The following TTC17 variants were observed in gnomAD, a reference collection of about 807,000 sequenced individuals.
TTC17 encodes tetratricopeptide repeat protein 17.
A neutral mutation model predicts 143.8 loss-of-function variants in TTC17; 58 were observed. The observed-to-expected ratio is 0.40, with a 90% CI of 0.33 to 0.50. The LOEUF (loss-of-function observed/expected upper bound fraction) is 0.50, where lower values mean the gene tolerates loss of function less well. Among genes scored for constraint, TTC17 ranks in the 20% least tolerant of loss-of-function variants. TTC17 has a pLI of 0.49. For missense variants in TTC17, 1,273 were observed against 1,392.5 expected (o/e 0.91, Z 1.37); for synonymous variants, 501 against 497.8 (o/e 1.01, Z -0.09).
chr11:43,378,337 C>T (rs567554719), intron 1 of TTC17, among the ~76,000 whole-genome samples: 4 of 152,250 alleles, frequency 2.6e-5, no homozygotes, highest in South Asian at 2.1e-4. Flanking sequence ...GATGTCTGGA[C>T]GGAGTTGTAA....
intron 16 of TTC17, among the ~76,000 whole-genome samples, chr11:43,426,129 A>G (rs1016929927): frequency 1.3e-5 from 2 of 152,262 alleles, no homozygotes; most frequent in Non-Finnish European, 2.9e-5. Context: ...CTCTGTAATA[A>G]TAAAGCCCTA....
intron 21 of TTC17, among the ~76,000 whole-genome samples, chr11:43,456,187 C>A (rs1947759443): frequency 7.9e-6 from 1 of 126,920 alleles, no homozygotes; most frequent in South Asian, 2.6e-4. Context: ...ATAACACACA[C>A]ACACACACAC....
At chr11:43,359,151 C>G in intron 1 of TTC17, 38 bp downstream of exon 1, 1 of 1,537,280 alleles carries the variant, frequency 6.5e-7, no homozygotes, top group Non-Finnish European at 8.7e-7. Context: ...CGTGCCCGCC[C>G]TCGCCCCGGG....
intron 21 of TTC17, among the ~76,000 whole-genome samples, chr11:43,469,231 G>A (rs1422416687): frequency 6.6e-6 from 1 of 152,176 alleles, no homozygotes; most frequent in Non-Finnish European, 1.5e-5. Context: ...AAATGTTGGA[G>A]AGGATGTGGA....
intron 21 of TTC17, among the ~76,000 whole-genome samples, chr11:43,471,968 G>A (rs1051924301): frequency 1.3e-5 from 2 of 152,176 alleles, no homozygotes; most frequent in Admixed American, 6.5e-5. Flanking sequence ...TTCAGGTACT[G>A]GAGTACTGAC....
intron 21 of TTC17, among the ~76,000 whole-genome samples, chr11:43,484,056 C>A (rs1302860831): frequency 6.6e-6 from 1 of 152,104 alleles, no homozygotes; most frequent in African/African-American, 2.4e-5. Context: ...GCAGAAGAAT[C>A]ACTTGAACCC....
At chr11:43,493,650 C>G in intron 23 of TTC17, 123 bp from the exon 24 acceptor site, 1 of 1,439,438 alleles carries the variant, frequency 6.9e-7, no homozygotes, top group Non-Finnish European at 9.6e-7. Context: ...AGACTTAGAT[C>G]CGTTGAGCAA....
At chr11:43,365,793 G>C (rs938141942) in intron 1 of TTC17, among the ~76,000 whole-genome samples, 2 of 152,100 alleles carry the variant, frequency 1.3e-5, no homozygotes, top group African/African-American at 4.8e-5. Flanking sequence ...CAAACTCCTT[G>C]GGAGAGTATA....
intron 21 of TTC17, among the ~76,000 whole-genome samples, chr11:43,483,102 GA>G (rs1188002710): frequency 6.6e-6 from 1 of 151,986 alleles, no homozygotes; most frequent in African/African-American, 2.4e-5. Context: ...CAATTTCTTA[GA>G]AAAATGTAAT....
chr11:43,385,764 C>T (rs940770765), intron 2 of TTC17: 7 of 145,954 alleles, frequency 4.8e-5, no homozygotes, highest in African/African-American at 1.3e-4. Context: ...ATATTCAACA[C>T]GAGTTAGAAA....
intron 21 of TTC17, among the ~76,000 whole-genome samples, chr11:43,455,469 A>G (rs1947745119): frequency 6.6e-6 from 1 of 152,098 alleles, no homozygotes; most frequent in South Asian, 2.1e-4. Flanking sequence ...TAGCTAACCT[A>G]ATAAAGGAAA....
At chr11:43,432,704 A>G (rs530743899) in intron 16 of TTC17, among the ~76,000 whole-genome samples, 67 of 152,176 alleles carry the variant, frequency 4.4e-4, no homozygotes, top group South Asian at 2.1e-3. Flanking sequence ...TCCTTCTCCA[A>G]TATTTTCCTG....
chr11:43,457,609 A>G (rs76302483), intron 21 of TTC17, among the ~76,000 whole-genome samples: 351 of 152,302 alleles, frequency 2.3e-3, no homozygotes, highest in African/African-American at 8.3e-3. Context: ...TGAAAAAAGT[A>G]CCTTTTCACC....
intron 17 of TTC17, 65 bp downstream of exon 17, chr11:43,443,649 A>C: frequency 2.6e-6 from 4 of 1,538,656 alleles, no homozygotes; most frequent in Non-Finnish European, 1.7e-6. Context: ...CCTAATATGC[A>C]AAGTGGGAAG....
At chr11:43,411,389 C>T (rs917391025) in intron 15 of TTC17, among the ~76,000 whole-genome samples, 1 of 151,998 alleles carries the variant, frequency 6.6e-6, no homozygotes, top group African/African-American at 2.4e-5. Context: ...CTCAGTAAGT[C>T]CCTCTCATAC....
intron 18 of TTC17, chr11:43,445,918 C>A (rs1453400183): frequency 3.6e-6 from 4 of 1,116,682 alleles, no homozygotes; most frequent in Admixed American, 4.0e-5. Flanking sequence ...ATTTCATTTC[C>A]TTTTTTGGTT....
At chr11:43,435,294 C>T (rs1486440589) in intron 16 of TTC17, 1 of 152,110 alleles carries the variant, frequency 6.6e-6, no homozygotes, top group Non-Finnish European at 1.5e-5. Context: ...TGACAATGTC[C>T]ATGGAACACA....
chr11:43,413,012 AC>A (rs1946689334), intron 15 of TTC17, among the ~76,000 whole-genome samples: 2 of 151,352 alleles, frequency 1.3e-5, no homozygotes, highest in Admixed American at 6.6e-5. Context: ...ACACACACAC[AC>A]ACACACACAC....
chr11:43,491,683 C>T (rs1948476842), intron 22 of TTC17: 1 of 223,536 alleles, frequency 4.5e-6, no homozygotes, highest in African/African-American at 2.3e-5. Context: ...GGTCTGTGGA[C>T]AGTACACAGA....
Sources: gnomAD v4.1 joint callset for allele counts (sites outside exome capture counted in the v4.1 genomes callset) on GRCh38, gnomAD v4.1.1 for gene constraint, MANE v1.5 for transcripts, NCBI Gene and HGNC (gene_info 2026-07-23, HGNC 2026-07-21) for gene names.